COP1: variants seen among roughly 807,000 people sequenced by gnomAD.
The protein encoded by COP1 is COP1 E3 ubiquitin ligase, also known as E3 ubiquitin-protein ligase COP1.
COP1 carries 24 observed loss-of-function variants against 101.3 expected under a neutral mutation model. That is an observed-to-expected ratio of 0.24 (90% CI 0.17 to 0.33). The LOEUF is 0.33. Ranked by LOEUF, COP1 falls within the 10% of genes least tolerant of loss-of-function variation. COP1 has a pLI of 1.00. For missense variants in COP1, 663 were observed against 906.2 expected (o/e 0.73, Z 3.45); for synonymous variants, 347 against 341.9 (o/e 1.01, Z -0.17).
At position 175,989,403 on chromosome 1, in the gene COP1, G is replaced by A. The variant is rs751623215; in HGVS notation, c.1806C>T (p.Val602=). The change falls in exon 16 of 20, where the codon GTC becomes GTT. Residue 602 remains valine, a synonymous_variant. Transcript: ENST00000367669. ...CACCACTCACAAACTTTGCATAAGA[G>A]ACTGCTTTACGGTGTCCTTTGAATA... is the stretch of plus-strand genomic sequence containing the variant. The part of the protein sequence containing the change: ...IMVFKGHRKA[V]SYAKFVSGEE... 6.2e-7 allele frequency: 1 copy of A among 1,607,802 alleles called. No individual in the cohort carries two copies. Among genetic ancestry groups the A allele is most frequent in the Non-Finnish European group, 8.5e-7 (1 of 1,174,348 alleles).
At position 175,986,174 on chromosome 1, in the gene COP1, C is replaced by T. The variant is rs528231136; in HGVS notation, c.2133+769G>A. Among the ~76,000 whole-genome samples the T allele has an allele frequency of 1.7e-3, 256 of 152,172 alleles. 1 individual carries two copies. Among genetic ancestry groups the T allele is most frequent in the African/African-American group, 5.9e-3 (245 of 41,532 alleles). ...AGCTGGGACTACAGTCACCCGCCACCACGCCTGGCTAATTTTTTGTATTTT... is the reference window on the plus strand; with the variant it reads ...AGCTGGGACTACAGTCACCCGCCACTACGCCTGGCTAATTTTTTGTATTTT... On this transcript the variant is annotated intron_variant, in intron 18 of 19. Coordinates refer to ENST00000367669, the MANE Select transcript of COP1 (RefSeq NM_022457.7).
At chr1:176,031,166 T>C (rs1668589365) in intron 14 of COP1, among the ~76,000 whole-genome samples, 1 of 152,216 alleles carries the variant, frequency 6.6e-6, no homozygotes, top group Non-Finnish European at 1.5e-5. Context: ...AACAAATTTC[T>C]GTTGTCTTAA....
intron 18 of COP1, among the ~76,000 whole-genome samples, chr1:175,967,991 T>A (rs188682641): frequency 9.9e-4 from 151 of 152,152 alleles, no homozygotes; most frequent in African/African-American, 3.4e-3. Flanking sequence ...TCTCAGCCTC[T>A]CAAGTAGCTG....
chr1:175,975,383 C>T (rs1378706832), intron 18 of COP1, among the ~76,000 whole-genome samples: 3 of 152,076 alleles, frequency 2.0e-5, no homozygotes, highest in African/African-American at 4.8e-5. Flanking sequence ...ACAACCATCC[C>T]GAAGTTATTA....
chr1:176,024,669 G>T (rs942021069), intron 15 of COP1, among the ~76,000 whole-genome samples: 2 of 152,098 alleles, frequency 1.3e-5, no homozygotes, highest in Admixed American at 6.6e-5. Context: ...TTGTTCAACT[G>T]CAGATATGAT....
chr1:176,094,423 G>T (rs535365162), intron 9 of COP1, among the ~76,000 whole-genome samples: 63 of 151,778 alleles, frequency 4.2e-4, no homozygotes, highest in Middle Eastern at 3.4e-3. Flanking sequence ...AGAGATAAAT[G>T]TTTTGAAAAT....
chr1:176,037,481 A>G (rs557078132), intron 14 of COP1, among the ~76,000 whole-genome samples: 12 of 151,760 alleles, frequency 7.9e-5, no homozygotes, highest in Non-Finnish European at 1.5e-4. Context: ...GGCCAGCATT[A>G]CCCTGATATC....
At chr1:175,995,834 A>G (rs1242418650) in intron 15 of COP1, among the ~76,000 whole-genome samples, 1 of 152,228 alleles carries the variant, frequency 6.6e-6, no homozygotes, top group East Asian at 1.9e-4. Context: ...AGGAACTGGT[A>G]TCATTCCTTC....
At chr1:175,992,602 C>T (rs534034802) in intron 15 of COP1, among the ~76,000 whole-genome samples, 3 of 152,362 alleles carry the variant, frequency 2.0e-5, no homozygotes, top group Admixed American at 1.3e-4. Context: ...ATATCCCGCA[C>T]CTGGCTCGGA....
In COP1 at chr1:175,946,690, A is replaced by G. The variant is rs549747189; in HGVS notation, c.2178+505T>C. Reference sequence around the variant, plus strand: ...ATCACATCTATCAATTTTCAACTGAACACTAAAATAACTTTTTCTCCCCTT... The same window carrying G: ...ATCACATCTATCAATTTTCAACTGAGCACTAAAATAACTTTTTCTCCCCTT... On this transcript the variant is annotated intron_variant, in intron 19 of 19. Coordinates refer to ENST00000367669, the MANE Select transcript of COP1 (RefSeq NM_022457.7). Among the ~76,000 whole-genome samples, 3 of 152,312 alleles carry G rather than the reference A, an allele frequency of 2.0e-5. No individual in the cohort carries two copies. In the East Asian group the frequency reaches 5.8e-4, roughly 29 times the overall value.
intron 18 of COP1, among the ~76,000 whole-genome samples, chr1:175,963,244 C>CT (rs969508395): frequency 1.8e-4 from 27 of 147,948 alleles, no homozygotes; most frequent in East Asian, 4.0e-4. Context: ...AAGGTCTAAA[C>CT]TTTTTTTTTT....
chr1:175,982,184 T>G (rs2148689009), intron 18 of COP1, among the ~76,000 whole-genome samples: 1 of 152,318 alleles, frequency 6.6e-6, no homozygotes, highest in Middle Eastern at 3.4e-3. Context: ...TGAATCCCAC[T>G]TCAATTTCAA....
At chr1:175,956,518 G>A (rs1175650581) in intron 18 of COP1, among the ~76,000 whole-genome samples, 2 of 151,794 alleles carry the variant, frequency 1.3e-5, no homozygotes, top group African/African-American at 2.4e-5. Flanking sequence ...TGATAAATTG[G>A]ACTTCATCAA....
chr1:176,113,467 C>G (rs944661934), intron 9 of COP1, among the ~76,000 whole-genome samples: 7 of 151,974 alleles, frequency 4.6e-5, no homozygotes, highest in Non-Finnish European at 1.0e-4. Context: ...GATAATCTGC[C>G]AACATTTTCT....
intron 9 of COP1, among the ~76,000 whole-genome samples, chr1:176,092,573 C>T (rs1681522327): frequency 6.6e-6 from 1 of 151,970 alleles, no homozygotes; most frequent in Non-Finnish European, 1.5e-5. Context: ...TCACAAAAGA[C>T]AAAACATAAA....
chr1:176,100,088 T>A (rs941818570), intron 9 of COP1, among the ~76,000 whole-genome samples: 1 of 152,180 alleles, frequency 6.6e-6, no homozygotes, highest in African/African-American at 2.4e-5. Context: ...ATGATTTGTT[T>A]TTTAACAAAA....
In COP1 at chr1:176,207,251, G is replaced by C. The variant is rs1039518698; in HGVS notation, c.-273C>G. The C allele has an allele frequency of 5.1e-6, 2 of 394,484 alleles. No homozygotes were observed. The highest frequency in any genetic ancestry group is 4.5e-6 in the Non-Finnish European group (1 of 223,526). 24.4% of individuals were successfully genotyped at this position (394,484 alleles called of 1,614,324 possible). A position where few individuals can be genotyped will look rare whatever the true frequency, so the allele number is the denominator to read the frequency against. On this transcript the variant is annotated 5_prime_UTR_variant, in exon 1 of 20. Coordinates refer to ENST00000367669, the MANE Select transcript of COP1 (RefSeq NM_022457.7). ...CGCGGTCCCTGTAGCAGCCAACCCC[G>C]GCGCGCCGTGGCCGGCCGTGCGCGC...
At chr1:175,995,075 C>T (rs1427684133) in intron 15 of COP1, among the ~76,000 whole-genome samples, 4 of 152,202 alleles carry the variant, frequency 2.6e-5, no homozygotes, top group Non-Finnish European at 5.9e-5. Context: ...CAAACTAGAA[C>T]TCAGGATTAA....
At chr1:176,129,712 A>G (rs1274003864) in intron 8 of COP1, among the ~76,000 whole-genome samples, 1 of 151,876 alleles carries the variant, frequency 6.6e-6, no homozygotes, top group Non-Finnish European at 1.5e-5. Context: ...CTGAACACAC[A>G]GAAGAGACTA....
Sources: allele counts gnomAD v4.1 joint callset (sites outside exome capture counted in the v4.1 genomes callset), GRCh38; gene constraint gnomAD v4.1.1; transcripts MANE v1.5; gene names NCBI Gene and HGNC (gene_info 2026-07-23, HGNC 2026-07-21).